The following BBS9 variants were observed in gnomAD, a reference collection of about 807,000 sequenced individuals.
The protein encoded by BBS9 is Bardet-Biedl syndrome 9.
A neutral mutation model predicts 117.7 loss-of-function variants in BBS9; 89 were observed. The observed-to-expected ratio is 0.76, with a 90% CI of 0.64 to 0.90. The LOEUF is 0.90. BBS9 is among the 40% of genes least tolerant of loss of function. The pLI, the probability that BBS9 is intolerant of heterozygous loss-of-function variation, is 0.00. For missense variants in BBS9, 982 were observed against 1,042.2 expected (o/e 0.94, Z 0.80); for synonymous variants, 379 against 370.9 (o/e 1.02, Z -0.25).
intron 11 of BBS9, 40 bp downstream of exon 11, chr7:33,341,013 G>GTAAGTGCTTATGACA: frequency 6.4e-7 from 1 of 1,551,808 alleles, no homozygotes; most frequent in Non-Finnish European, 8.9e-7. Context: ...TTATAAGAGT[G>GTAAGTGCTTATGACA]GTAAACTCTG....
chr7:33,173,058 A>G (rs774436070), intron 4 of BBS9, among the ~76,000 whole-genome samples: 4 of 152,170 alleles, frequency 2.6e-5, no homozygotes, highest in Non-Finnish European at 2.9e-5. Flanking sequence ...TTTTAGTTCA[A>G]TAGGTGTTCT....
At chr7:33,519,345 G>A (rs1336672633) in intron 20 of BBS9, among the ~76,000 whole-genome samples, 1 of 152,156 alleles carries the variant, frequency 6.6e-6, no homozygotes, top group Non-Finnish European at 1.5e-5. Context: ...CCCTTGTGTT[G>A]TATGTCTTGA....
At chr7:33,206,251 A>G (rs1023028236) in intron 5 of BBS9, among the ~76,000 whole-genome samples, 1 of 152,206 alleles carries the variant, frequency 6.6e-6, no homozygotes, top group Non-Finnish European at 1.5e-5. Context: ...GGTTACTTAT[A>G]GAAGTGTGGG....
intron 9 of BBS9, among the ~76,000 whole-genome samples, chr7:33,309,978 G>A (rs964440883): frequency 1.3e-5 from 2 of 152,198 alleles, no homozygotes; most frequent in African/African-American, 2.4e-5. Context: ...AGAGAGTTAA[G>A]TCCAGTGGCA....
chr7:33,189,137 C>G (rs1783632465), intron 5 of BBS9, among the ~76,000 whole-genome samples: 1 of 152,158 alleles, frequency 6.6e-6, no homozygotes, highest in Non-Finnish European at 1.5e-5. Flanking sequence ...CCTCCTGCCT[C>G]AGCCTCCTGA....
Position 33,593,472 on chromosome 7 carries a change from A to G in BBS9, c.2522-11393A>G, listed in dbSNP as rs530021973. Among the ~76,000 whole-genome samples the G allele has an allele frequency of 8.3e-4, 125 of 149,962 alleles. 1 individual carries two copies. In the Middle Eastern group the frequency reaches 0.01, roughly 12 times the overall value. On this transcript the variant is annotated intron_variant, in intron 21 of 22. Coordinates refer to ENST00000242067, the MANE Select transcript of BBS9 (RefSeq NM_198428.3). The stretch of plus-strand genomic sequence containing the variant: ...TTCTTACTGGGTGTGTGTCTTTCCT[A>G]GTGCTCTAGGTTAAGAACTAAATGT...
At chr7:33,433,818 A>G (rs984152818) in intron 19 of BBS9, among the ~76,000 whole-genome samples, 2 of 152,114 alleles carry the variant, frequency 1.3e-5, no homozygotes, top group East Asian at 1.9e-4. Context: ...GTAAAATTTG[A>G]AAAATTTGGA....
At chr7:33,403,281 C>A (rs1358563575) in intron 19 of BBS9, among the ~76,000 whole-genome samples, 3 of 123,966 alleles carry the variant, frequency 2.4e-5, no homozygotes, top group Non-Finnish European at 5.4e-5. Flanking sequence ...ACCACATTTT[C>A]TTTTTTTTTT....
intron 20 of BBS9, among the ~76,000 whole-genome samples, chr7:33,529,379 A>G (rs895299629): frequency 2.2e-4 from 33 of 152,314 alleles, no homozygotes; most frequent in African/African-American, 7.7e-4. Context: ...AAGGAGTGAC[A>G]CTTTCAGCAG....
intron 4 of BBS9, among the ~76,000 whole-genome samples, chr7:33,165,574 ATT>A (rs1795552368): frequency 6.7e-6 from 1 of 150,032 alleles, no homozygotes; most frequent in African/African-American, 2.5e-5. Context: ...GCTTTATGTC[ATT>A]AATTTGATTT....
intron 21 of BBS9, among the ~76,000 whole-genome samples, chr7:33,543,515 C>T (rs989133848): frequency 1.3e-5 from 2 of 152,072 alleles, no homozygotes; most frequent in Admixed American, 6.5e-5. Flanking sequence ...TTGGGTTTTT[C>T]GTCATGAAAT....
intron 21 of BBS9, among the ~76,000 whole-genome samples, chr7:33,587,984 G>A (rs1038625828): frequency 2.0e-5 from 3 of 151,938 alleles, no homozygotes; most frequent in Admixed American, 6.6e-5. Flanking sequence ...TTCTTCATTC[G>A]TTTTGAGAAA....
chr7:33,542,783 A>ATC (rs1852576227), intron 21 of BBS9, among the ~76,000 whole-genome samples: 2 of 134,538 alleles, frequency 1.5e-5, no homozygotes, highest in African/African-American at 5.6e-5. Context: ...GTATATATAT[A>ATC]TATATGTACA....
chr7:33,432,991 T>C lies in BBS9; in HGVS notation c.2115+44847T>C, dbSNP rs561384220. 8.5e-5 allele frequency among the ~76,000 whole-genome samples: 13 copies of C among 152,282 alleles called. No homozygotes were observed. The South Asian group carries it at 2.7e-3, about 32-fold the overall frequency. On this transcript the variant is annotated intron_variant, in intron 19 of 22. Transcript: ENST00000242067. ...GACATATATGTGACTAAGAGAGGGT[T>C]TATGTATTCCTTGAGGCATGGTCCA...
chr7:33,472,144 T>G (rs569403468), intron 19 of BBS9, among the ~76,000 whole-genome samples: 1 of 152,306 alleles, frequency 6.6e-6, no homozygotes, highest in African/African-American at 2.4e-5. Context: ...TAGGAGTGAT[T>G]GCTCAAGGAT....
rs546826350 is a variant in BBS9 at position 33,281,535 on chromosome 7, A to T, written c.1016+7579A>T. ...ACTGCAGGCATGTGTCACCACACTC[A>T]GTTAATTAAAAATTCTTTTTTTTAT... On this transcript the variant is annotated intron_variant, in intron 9 of 22. Transcript: ENST00000242067. Among the ~76,000 whole-genome samples, 6 of 151,724 alleles carry T rather than the reference A, an allele frequency of 4.0e-5. No individual in the cohort carries two copies. In the South Asian group the frequency reaches 1.3e-3, roughly 32 times the overall value.
intron 21 of BBS9, among the ~76,000 whole-genome samples, chr7:33,583,725 A>G (rs1860407187): frequency 6.6e-6 from 1 of 152,094 alleles, no homozygotes; most frequent in Non-Finnish European, 1.5e-5. Flanking sequence ...TGGAGAGGCC[A>G]AATGCTACGA....
At position 33,604,019 on chromosome 7, in the gene BBS9, T is replaced by G. The variant is rs139541002; in HGVS notation, c.2522-846T>G. Among the ~76,000 whole-genome samples, 574 of 152,300 alleles carry G rather than the reference T, an allele frequency of 3.8e-3. 1 individual carries two copies. Among genetic ancestry groups the G allele is most frequent in the African/African-American group, 0.013 (547 of 41,574 alleles). On this transcript the variant is annotated intron_variant, in intron 21 of 22. Transcript: ENST00000242067. ...TATGCATAAAACCAAACTTGAGAGC[T>G]GAGGCTTTGGACTCTGTGTGTGAGA...
chr7:33,369,069 A>T (rs1165315576), intron 17 of BBS9, among the ~76,000 whole-genome samples: 1 of 152,200 alleles, frequency 6.6e-6, no homozygotes, highest in Non-Finnish European at 1.5e-5. Flanking sequence ...CATGAGATCT[A>T]TCCACTTAAA....
Sources: gnomAD v4.1 joint callset for allele counts (sites outside exome capture counted in the v4.1 genomes callset) on GRCh38, gnomAD v4.1.1 for gene constraint, MANE v1.5 for transcripts, NCBI Gene and HGNC (gene_info 2026-07-23, HGNC 2026-07-21) for gene names.